The following RBMS3 variants were observed in gnomAD, a reference collection of about 807,000 sequenced individuals.
The protein encoded by RBMS3 is RNA binding motif single stranded interacting protein 3, also known as RNA-binding motif, single-stranded-interacting protein 3.
A neutral mutation model predicts 66.8 loss-of-function variants in RBMS3; 27 were observed. The observed-to-expected ratio is 0.40, with a 90% CI of 0.30 to 0.56. RBMS3 has a LOEUF of 0.56. Ranked by LOEUF, RBMS3 falls within the 20% of genes least tolerant of loss-of-function variation. RBMS3 has a pLI of 0.40. For missense variants in RBMS3, 513 were observed against 549.5 expected, an observed-to-expected ratio of 0.93 and a Z score of 0.66; for synonymous variants, 188 against 183.0, an observed-to-expected ratio of 1.03 and a Z score of -0.22.
intron 6 of RBMS3, among the ~76,000 whole-genome samples, chr3:29,784,295 G>A (rs966178600): frequency 6.6e-6 from 1 of 151,980 alleles, no homozygotes; most frequent in Non-Finnish European, 1.5e-5. Flanking sequence ...CACAAAGCAA[G>A]TCTCAATACA....
chr3:29,435,654 C>T (rs1002542270), intron 2 of RBMS3, among the ~76,000 whole-genome samples: 4 of 152,152 alleles, frequency 2.6e-5, no homozygotes, highest in Non-Finnish European at 5.9e-5. Flanking sequence ...GAATCATAGA[C>T]CTGGCCGGGC....
chr3:29,591,027 G>T (rs2047716258), intron 4 of RBMS3, among the ~76,000 whole-genome samples: 1 of 152,154 alleles, frequency 6.6e-6, no homozygotes, highest in South Asian at 2.1e-4. Flanking sequence ...TCAGCAATTT[G>T]TGCTTACAAC....
At chr3:29,626,053 A>T (rs183388392) in intron 4 of RBMS3, among the ~76,000 whole-genome samples, 1 of 152,324 alleles carries the variant, frequency 6.6e-6, no homozygotes, top group East Asian at 1.9e-4. Context: ...TGTGTATGTG[A>T]TGGGTGCCTA....
intron 12 of RBMS3, among the ~76,000 whole-genome samples, chr3:29,968,085 T>C (rs1203102425): frequency 6.6e-6 from 1 of 152,192 alleles, no homozygotes; most frequent in Non-Finnish European, 1.5e-5. Flanking sequence ...TATTTCAGAC[T>C]CTTTGATGTA....
intron 1 of RBMS3, among the ~76,000 whole-genome samples, chr3:29,342,771 A>C (rs1575580386): frequency 6.6e-6 from 1 of 152,184 alleles, no homozygotes; most frequent in Non-Finnish European, 1.5e-5. Flanking sequence ...AGTTTTTCAC[A>C]CATTATACAA....
chr3:29,281,340 A>C lies in RBMS3; in HGVS notation c.-342A>C. 2 of 306,194 alleles carry C rather than the reference A, an allele frequency of 6.5e-6. No individual in the cohort carries two copies. The highest frequency in any genetic ancestry group is 6.0e-6 in the Non-Finnish European group (1 of 167,836). 19.0% of individuals were successfully genotyped at this position (306,194 alleles called of 1,614,324 possible). A position where few individuals can be genotyped will look rare whatever the true frequency, so the allele number is the denominator to read the frequency against. ...TTTTCCCCCTTTACGAACGCTGGCA[A>C]TTGACATCACTACAGACAGCCTGGT... On this transcript the variant is annotated 5_prime_UTR_variant, in exon 1 of 15. Coordinates refer to ENST00000383767, the MANE Select transcript of RBMS3 (RefSeq NM_001003793.3).
intron 1 of RBMS3, among the ~76,000 whole-genome samples, chr3:29,286,551 T>C (rs920266229): frequency 6.6e-6 from 1 of 152,058 alleles, no homozygotes; most frequent in Non-Finnish European, 1.5e-5. Flanking sequence ...TTTCTTTCAA[T>C]TTGGAAAAAA....
At chr3:29,554,667 G>A (rs534998671) in intron 3 of RBMS3, among the ~76,000 whole-genome samples, 21 of 152,054 alleles carry the variant, frequency 1.4e-4, no homozygotes, top group Admixed American at 8.5e-4. Flanking sequence ...ATTTAGACAA[G>A]GAAAAAGGAT....
At chr3:29,639,711 G>A (rs371727128) in intron 4 of RBMS3, among the ~76,000 whole-genome samples, 2 of 151,580 alleles carry the variant, frequency 1.3e-5, no homozygotes, top group African/African-American at 4.8e-5. Flanking sequence ...AAAAACACTT[G>A]CATATAAATA....
chr3:29,791,859 A>T (rs2057023280), intron 6 of RBMS3, among the ~76,000 whole-genome samples: 1 of 152,242 alleles, frequency 6.6e-6, no homozygotes, highest in South Asian at 2.1e-4. Flanking sequence ...AAAATAAAAA[A>T]AACTTGAATT....
At chr3:29,959,950 A>C (rs1696313043) in intron 12 of RBMS3, among the ~76,000 whole-genome samples, 1 of 152,052 alleles carries the variant, frequency 6.6e-6, no homozygotes, top group Non-Finnish European at 1.5e-5. Context: ...GGACATACCC[A>C]AACCATATTA....
intron 1 of RBMS3, among the ~76,000 whole-genome samples, chr3:29,413,342 C>T (rs2040348144): frequency 6.6e-6 from 1 of 151,996 alleles, no homozygotes. Flanking sequence ...GCACTCCGGC[C>T]TGGGCAAAGA....
At chr3:29,519,401 G>A (rs1056869432) in intron 3 of RBMS3, among the ~76,000 whole-genome samples, 13 of 152,150 alleles carry the variant, frequency 8.5e-5, no homozygotes, top group Non-Finnish European at 1.6e-4. Flanking sequence ...GAAGAGGAAG[G>A]AGCCTAGAAC....
intron 3 of RBMS3, among the ~76,000 whole-genome samples, chr3:29,503,179 G>T (rs2044042634): frequency 6.6e-6 from 1 of 152,014 alleles, no homozygotes; most frequent in Non-Finnish European, 1.5e-5. Context: ...TTTATGTTTT[G>T]AATTCATCCA....
chr3:29,969,239 T>C lies in RBMS3; in HGVS notation c.1099-18904T>C, dbSNP rs536044814. On this transcript the variant is annotated intron_variant, in intron 12 of 14. Coordinates refer to ENST00000383767, the MANE Select transcript of RBMS3 (RefSeq NM_001003793.3). ...CTGGTCTGATAACGATTTTGGATAATTCTACCAGAGTTGACAATGTTGTGT... is the reference window on the plus strand; with the variant it reads ...CTGGTCTGATAACGATTTTGGATAACTCTACCAGAGTTGACAATGTTGTGT... 2.6e-5 allele frequency among the ~76,000 whole-genome samples: 4 copies of C among 152,334 alleles called. No homozygotes were observed. The South Asian group carries it at 6.2e-4, about 24-fold the overall frequency.
At chr3:29,941,941 A>G (rs1347776634) in intron 11 of RBMS3, among the ~76,000 whole-genome samples, 8 of 151,850 alleles carry the variant, frequency 5.3e-5, no homozygotes, top group Admixed American at 2.0e-4. Flanking sequence ...CTAAATTTGT[A>G]TAAGTACCAG....
chr3:29,989,116 T>C (rs1698645227), intron 13 of RBMS3, among the ~76,000 whole-genome samples: 1 of 152,200 alleles, frequency 6.6e-6, no homozygotes, highest in Non-Finnish European at 1.5e-5. Flanking sequence ...GGTTTACAGC[T>C]TCTTACAGAC....
Position 29,830,381 on chromosome 3 carries a change from C to T in RBMS3, c.638-38477C>T, listed in dbSNP as rs1337465378. On this transcript the variant is annotated intron_variant, in intron 6 of 14. Transcript: ENST00000383767. ...ATCAAGGAGACAACCAACAGAATAC[C>T]GTCTTCAACTCTTCGTTTGTTCACA... 3.9e-5 allele frequency among the ~76,000 whole-genome samples: 6 copies of T among 152,128 alleles called. No individual in the cohort carries two copies. In the East Asian group the frequency reaches 5.8e-4, roughly 15 times the overall value.
At chr3:29,465,121 A>G (rs765819173) in intron 2 of RBMS3, among the ~76,000 whole-genome samples, 1 of 152,242 alleles carries the variant, frequency 6.6e-6, no homozygotes, top group Non-Finnish European at 1.5e-5. Flanking sequence ...AGGAATGTAC[A>G]GTATCCACAA....
Sources: gnomAD v4.1 joint callset for allele counts (sites outside exome capture counted in the v4.1 genomes callset) on GRCh38, gnomAD v4.1.1 for gene constraint, MANE v1.5 for transcripts, NCBI Gene and HGNC (gene_info 2026-07-23, HGNC 2026-07-21) for gene names.